Variants in CYP2S1 observed in about 807,000 individuals in gnomAD.
CYP2S1 encodes cytochrome P450 family 2 subfamily S member 1.
Under a neutral mutation model 43.5 loss-of-function variants are expected in CYP2S1, and 32 were observed. That is an observed-to-expected ratio of 0.74 (90% CI 0.56 to 0.99). CYP2S1 has a LOEUF of 0.99. Ranked by LOEUF, CYP2S1 falls within the 50% of genes least tolerant of loss-of-function variation. CYP2S1 has a pLI of 0.00. For missense variants in CYP2S1, 575 were observed against 673.9 expected (o/e 0.85, Z 1.62); for synonymous variants, 283 against 302.9 (o/e 0.93, Z 0.68).
intron 6 of CYP2S1, among the ~76,000 whole-genome samples, chr19:41,203,212 CA>C (rs59854272): frequency 2.1e-5 from 3 of 145,316 alleles, no homozygotes; most frequent in East Asian, 4.0e-4. Context: ...AACTCCGTTG[CA>C]AAAAAAAATA....
intron 5 of CYP2S1, among the ~76,000 whole-genome samples, chr19:41,200,218 C>T (rs191732485): frequency 3.4e-4 from 51 of 152,192 alleles, no homozygotes; most frequent in Non-Finnish European, 7.2e-4. Context: ...ATACACATAA[C>T]GTTTACCATC....
At position 41,197,153 on chromosome 19, in the gene CYP2S1, C is replaced by G. The variant is rs570640335; in HGVS notation, c.344-626C>G. 6.6e-5 allele frequency among the ~76,000 whole-genome samples: 10 copies of G among 152,122 alleles called. No homozygotes were observed. In the South Asian group the frequency reaches 2.1e-3, roughly 32 times the overall value. On this transcript the variant is annotated intron_variant, in intron 2 of 8. Coordinates refer to ENST00000310054, the MANE Select transcript of CYP2S1 (RefSeq NM_030622.8). ...GAGGTTGCGGTGAGCTGAGATCGTG[C>G]CATTGCACTCCAGCCTGGGTGACAA...
chr19:41,193,516 G>A (rs184450806), intron 1 of CYP2S1, 75 bp downstream of exon 1: 20 of 1,382,702 alleles, frequency 1.4e-5, no homozygotes, highest in Non-Finnish European at 1.9e-5. Context: ...CAGGGTGAGG[G>A]GCTTTTCGGG....
chr19:41,206,274 C>T lies in CYP2S1; in HGVS notation c.1307-6C>T, dbSNP rs747166288. 1 of 1,614,074 alleles carries T rather than the reference C, an allele frequency of 6.2e-7. No individual in the cohort carries two copies. The highest frequency in any genetic ancestry group is 8.5e-7 in the Non-Finnish European group (1 of 1,180,024). The stretch of plus-strand genomic sequence containing the variant: ...TCAGCCCTCTCTCTCTCTCTCTCCT[C>T]ACCAGGGAAGCGTGTCTGCCTTGGA... On this transcript the variant is annotated splice_region_variant and splice_polypyrimidine_tract_variant and intron_variant, in intron 8 of 8. Transcript: ENST00000310054.
Position 41,201,380 on chromosome 19 carries a change from C to A in CYP2S1, c.976+8C>A. 1 of 1,612,936 alleles carries A rather than the reference C, an allele frequency of 6.2e-7. No individual in the cohort carries two copies. Among genetic ancestry groups the A allele is most frequent in the African/African-American group, 1.3e-5 (1 of 74,998 alleles). On this transcript the variant is annotated splice_region_variant and intron_variant, in intron 6 of 8. Coordinates refer to ENST00000310054, the MANE Select transcript of CYP2S1 (RefSeq NM_030622.8). ...AATACCCTCATGTCCAAAGTAAGAG[C>A]CTTTTCCACTTGCCAGGCCTTGGGA...
At chr19:41,201,508 C>G in intron 6 of CYP2S1, 136 bp downstream of exon 6, 1 of 1,257,686 alleles carries the variant, frequency 8.0e-7, no homozygotes, top group Non-Finnish European at 1.1e-6. Context: ...GAGTTTAAGA[C>G]CAGCCTGGCC....
At chr19:41,205,815 C>T (rs1332105792) in intron 7 of CYP2S1, 143 bp from the exon 8 acceptor site, 33 of 1,085,630 alleles carry the variant, frequency 3.0e-5, no homozygotes, top group African/African-American at 4.7e-5. Context: ...AGCCACTGCA[C>T]GCCACTCAAC....
Position 41,203,417 on chromosome 19 carries a change from C to T in CYP2S1, c.977-33C>T, listed in dbSNP as rs1011906363. 17 of 1,551,012 alleles carry T rather than the reference C, an allele frequency of 1.1e-5. No homozygotes were observed. The African/African-American group carries it at 1.5e-4, about 14-fold the overall frequency. On this transcript the variant is annotated intron_variant, in intron 6 of 8. Coordinates refer to ENST00000310054, the MANE Select transcript of CYP2S1 (RefSeq NM_030622.8). ...GAGAGGAGGATCCCTGGGCCCTACC[C>T]CCGTCTGACTCCTGCCCTCCTCTTG...
At chr19:41,199,834 G>A (rs1309425021) in intron 5 of CYP2S1, among the ~76,000 whole-genome samples, 4 of 151,964 alleles carry the variant, frequency 2.6e-5, no homozygotes, top group Non-Finnish European at 5.9e-5. Context: ...GCCGGACGTG[G>A]TGGCACATGC....
Position 41,194,631 on chromosome 19 carries a change from G to C in CYP2S1, c.265G>C (p.Glu89Gln), listed in dbSNP as rs773012943. 7 of 1,612,392 alleles carry C rather than the reference G, an allele frequency of 4.3e-6. No individual in the cohort carries two copies. In the African/African-American group the frequency reaches 9.4e-5, roughly 22 times the overall value. Reference protein sequence around the residue: ...VVLVGQEAVREALGGQAEEFS... With the variant: ...VVLVGQEAVRQALGGQAEEFS... ...CCTGGTTGGGCAGGAGGCTGTGCGG[G>C]AGGCCCTGGGAGGTCAGGCTGAGGA... The change falls in exon 2 of 9, where the codon GAG becomes CAG. Residue 89 changes from glutamate (E) to glutamine (Q), a missense_variant. Physicochemically the swap from Glu to Gln is conservative, Grantham distance 29 (BLOSUM62 2). Around this residue, in one of 2 missense-constraint regions of CYP2S1, gnomAD observed 353 missense variants for 367.6 expected, o/e 0.96. Transcript: ENST00000310054.
intron 5 of CYP2S1, among the ~76,000 whole-genome samples, chr19:41,199,986 GA>G (rs994706044): frequency 1.4e-5 from 2 of 142,748 alleles, no homozygotes; most frequent in Non-Finnish European, 3.1e-5. Flanking sequence ...AAAAAAAAAA[GA>G]AAAAAAGAAA....
rs181241833 is a variant in CYP2S1 at position 41,204,112 on chromosome 19, C to T, written c.1164+475C>T. Among the ~76,000 whole-genome samples, 561 of 152,234 alleles carry T rather than the reference C, an allele frequency of 3.7e-3. 1 individual carries two copies. Among genetic ancestry groups the T allele is most frequent in the South Asian group, 9.8e-3 (47 of 4,820 alleles). On this transcript the variant is annotated intron_variant, in intron 7 of 8. Transcript: ENST00000310054. The stretch of plus-strand genomic sequence containing the variant: ...TCCTGACCTCGTGATCTGCCCGCTT[C>T]GGCCTCCCAAAGTGCTGGGATTACA...
Position 41,206,667 on chromosome 19 carries a change from T to C in CYP2S1, c.*179T>C. ...GCTCACTTGACTCATGCTGCTAAGA[T>C]GCACAACCGCACACCCATACACAAC... On this transcript the variant is annotated 3_prime_UTR_variant, in exon 9 of 9. Transcript: ENST00000310054. The C allele has an allele frequency of 1.2e-6, 1 of 842,192 alleles. No individual in the cohort carries two copies. Among genetic ancestry groups the C allele is most frequent in the Non-Finnish European group, 2.0e-6 (1 of 488,650 alleles). 52.2% of individuals were successfully genotyped at this position (842,192 alleles called of 1,614,324 possible). A position where few individuals can be genotyped will look rare whatever the true frequency, so the allele number is the denominator to read the frequency against.
At chr19:41,199,123 G>A (rs562797591) in intron 5 of CYP2S1, among the ~76,000 whole-genome samples, 6 of 152,080 alleles carry the variant, frequency 3.9e-5, no homozygotes, top group Admixed American at 3.9e-4. Flanking sequence ...CATTTGTGCC[G>A]GGCTGTCTGT....
intron 6 of CYP2S1, among the ~76,000 whole-genome samples, chr19:41,202,811 A>C (rs965737924): frequency 3.4e-5 from 5 of 147,290 alleles, no homozygotes; most frequent in Non-Finnish European, 7.5e-5. Context: ...AAAAAGAGAG[A>C]GAGAGAAGGC....
chr19:41,194,043 G>C (rs557569010), intron 1 of CYP2S1, among the ~76,000 whole-genome samples: 1 of 152,232 alleles, frequency 6.6e-6, no homozygotes, highest in South Asian at 2.1e-4. Context: ...AGCCTTAGGG[G>C]ATAGCAGGTG....
chr19:41,202,544 C>CT (rs763545255), intron 6 of CYP2S1, among the ~76,000 whole-genome samples: 18 of 152,058 alleles, frequency 1.2e-4, no homozygotes, highest in Non-Finnish European at 1.5e-5. Flanking sequence ...AATCCCAGCA[C>CT]TTTGGGAGGC....
In CYP2S1 at chr19:41,205,931, TATAGTTTC is replaced by T; in HGVS notation, c.1165-24_1165-17del. ...AAATGGACTGGGGTGGGAAGGGGTTTATAGTTTCATTATTATTTCCCCTCAGGGCACGG... is the reference window on the plus strand; with the variant it reads ...AAATGGACTGGGGTGGGAAGGGGTTTATTATTATTTCCCCTCAGGGCACGG... On this transcript the variant is annotated intron_variant, in intron 7 of 8. Coordinates refer to ENST00000310054, the MANE Select transcript of CYP2S1 (RefSeq NM_030622.8). 6.2e-7 allele frequency: 1 copy of T among 1,610,596 alleles called. No individual in the cohort carries two copies. Among genetic ancestry groups the T allele is most frequent in the Non-Finnish European group, 8.5e-7 (1 of 1,177,886 alleles).
At position 41,206,483 on chromosome 19, in the gene CYP2S1, A is replaced by G. The variant is rs781056731; in HGVS notation, c.1510A>G (p.Arg504Gly). The G allele has an allele frequency of 1.9e-6, 3 of 1,614,002 alleles. No individual in the cohort carries two copies. Among genetic ancestry groups the G allele is most frequent in the Admixed American group, 3.3e-5 (2 of 59,984 alleles). Reference sequence around the variant, plus strand: ...TGACCTTCACTCCACCACGCAGACCAGATGAAGGAAGGCAACTTGGAAGTG... The same window carrying G: ...TGACCTTCACTCCACCACGCAGACCGGATGAAGGAAGGCAACTTGGAAGTG... ...PTDLHSTTQT[R>G] Residue 504 changes from arginine to glycine, a missense_variant, in exon 9 of 9, where the codon AGA becomes GGA. Arg to Gly is a moderately radical substitution (Grantham distance 125). Coordinates refer to ENST00000310054, the MANE Select transcript of CYP2S1 (RefSeq NM_030622.8).
Sources: gnomAD v4.1 joint callset for allele counts (sites outside exome capture counted in the v4.1 genomes callset) on GRCh38, gnomAD v4.1.1 for gene constraint, gnomAD v4.1.1 regional missense constraint, MANE v1.5 for transcripts, NCBI Gene and HGNC (gene_info 2026-07-23, HGNC 2026-07-21) for gene names.